The following CYP20A1 variants were observed in gnomAD, a reference collection of about 807,000 sequenced individuals.
CYP20A1 encodes cytochrome P450 family 20 subfamily A member 1.
CYP20A1 carries 61 observed loss-of-function variants against 61.4 expected under a neutral mutation model. The observed-to-expected ratio is 0.99, with a 90% CI of 0.81 to 1.23. The LOEUF (loss-of-function observed/expected upper bound fraction) is 1.23, where lower values mean the gene tolerates loss of function less well. CYP20A1 is among the 50% of genes most tolerant of loss of function. The pLI is 0.00. For synonymous variants in CYP20A1, 193 were observed against 188.2 expected (o/e 1.03, Z -0.21); for missense variants, 530 against 542.4 (o/e 0.98, Z 0.23).
rs2069089670 is a variant in CYP20A1 at position 203,303,151 on chromosome 2, C to T, written c.*6243C>T. On this transcript the variant is annotated 3_prime_UTR_variant, in exon 13 of 13. Transcript: ENST00000356079. ...GAGTAGCTGAGACTACGGGTATGTG[C>T]CACTACACTCAGCTAATTTTTGTAT... is the stretch of plus-strand genomic sequence containing the variant. Among the ~76,000 whole-genome samples the T allele has an allele frequency of 6.6e-6, 1 of 151,884 alleles. No individual in the cohort carries two copies. The highest frequency in any genetic ancestry group is 2.4e-5 in the African/African-American group (1 of 41,362).
Position 203,303,899 on chromosome 2 carries a change from TTGA to T in CYP20A1, c.*6992_*6994del. On this transcript the variant is annotated 3_prime_UTR_variant, in exon 13 of 13. Coordinates refer to ENST00000356079, the MANE Select transcript of CYP20A1 (RefSeq NM_177538.3). ...CAAAAAAAAAAAAAAAAAAAACTTA[TTGA>T]GAGAATAATATACCACTAATATTTA... Among the ~76,000 whole-genome samples, 1 of 149,122 alleles carries T rather than the reference TTGA, an allele frequency of 6.7e-6. No individual in the cohort carries two copies. Among genetic ancestry groups the T allele is most frequent in the Non-Finnish European group, 1.5e-5 (1 of 67,394 alleles).
In CYP20A1 at chr2:203,296,432, C is replaced by T. The variant is rs73990621; in HGVS notation, c.1149-42C>T. ...CTTTTAGTGTCAACATGTAAGATGCCAGTGGAGCTATATTGTGATTAACCT... is the reference window on the plus strand; with the variant it reads ...CTTTTAGTGTCAACATGTAAGATGCTAGTGGAGCTATATTGTGATTAACCT... On this transcript the variant is annotated intron_variant, in intron 11 of 12. Transcript: ENST00000356079. 1,342 of 1,213,958 alleles carry T rather than the reference C, an allele frequency of 1.1e-3. 12 individuals carry two copies. In the African/African-American group the frequency reaches 0.018, roughly 16 times the overall value. 75.2% of individuals were successfully genotyped at this position (1,213,958 alleles called of 1,614,324 possible).
intron 4 of CYP20A1, among the ~76,000 whole-genome samples, chr2:203,264,670 C>A (rs1390139049): frequency 6.6e-6 from 1 of 151,852 alleles, no homozygotes; most frequent in Non-Finnish European, 1.5e-5. Context: ...CTTTGTATAC[C>A]ATTTGCTACT....
Position 203,302,290 on chromosome 2 carries a change from G to A in CYP20A1, c.*5382G>A, listed in dbSNP as rs1220233192. ...TCATGCCTATAACTCAAGCACTTTG[G>A]GAGTTCAAGGCGGCCAGATTGCTTG... On this transcript the variant is annotated 3_prime_UTR_variant, in exon 13 of 13. Coordinates refer to ENST00000356079, the MANE Select transcript of CYP20A1 (RefSeq NM_177538.3). 6.6e-6 allele frequency among the ~76,000 whole-genome samples: 1 copy of A among 152,154 alleles called. No homozygotes were observed. The highest frequency in any genetic ancestry group is 1.5e-5 in the Non-Finnish European group (1 of 68,026).
chr2:203,278,673 C>T lies in CYP20A1; in HGVS notation c.780C>T (p.Asn260=), dbSNP rs1281840579. 4 of 1,547,438 alleles carry T rather than the reference C, an allele frequency of 2.6e-6. No homozygotes were observed. In the Admixed American group the frequency reaches 5.8e-5, roughly 22 times the overall value. Residue 260 remains asparagine, a synonymous_variant, in exon 7 of 13, where the codon AAC becomes AAT. Transcript: ENST00000356079. ...HIFIDSLVQG[N]LNDQQILEDS... ...TCATTGACTCCTTAGTACAAGGGAACCTTAATGACCAACAGGTGATATAAT... is the reference window on the plus strand; with the variant it reads ...TCATTGACTCCTTAGTACAAGGGAATCTTAATGACCAACAGGTGATATAAT...
At chr2:203,254,903 A>T (rs925814982) in intron 4 of CYP20A1, among the ~76,000 whole-genome samples, 2 of 151,896 alleles carry the variant, frequency 1.3e-5, no homozygotes, top group Non-Finnish European at 1.5e-5. Flanking sequence ...AGGCATGAGA[A>T]TCACTTGAAC....
rs186951821 is a variant in CYP20A1 at position 203,278,454 on chromosome 2, T to C, written c.680-119T>C. ...TTTAAACATAAATTAGCTTTCTTTG[T>C]TGTTGGTTACTAACTTTGAAGGTTT... On this transcript the variant is annotated intron_variant, in intron 6 of 12. Transcript: ENST00000356079. The C allele has an allele frequency of 1.9e-5, 9 of 483,426 alleles. No individual in the cohort carries two copies. The East Asian group carries it at 3.0e-4, about 16-fold the overall frequency. The allele number at this position is 483,426 out of a possible 1,614,324, so 29.9% of individuals were successfully genotyped here. A position where few individuals can be genotyped will look rare whatever the true frequency, so the allele number is the denominator to read the frequency against.
rs1039533542 is a variant in CYP20A1, at chr2:203,305,709, A to G, written c.*8801A>G. On this transcript the variant is annotated 3_prime_UTR_variant, in exon 13 of 13. Transcript: ENST00000356079. ...TGAAATGAAATTTTGTTACTTTACC[A>G]TTGTAACTATGTCATAAAGTCATAA... 4.6e-5 allele frequency: 7 copies of G among 152,196 alleles called. No individual in the cohort carries two copies. The East Asian group carries it at 1.3e-3, about 29-fold the overall frequency. The allele number at this position is 152,196 out of a possible 1,614,324, so 9.4% of individuals were successfully genotyped here. A position where few individuals can be genotyped will look rare whatever the true frequency, so the allele number is the denominator to read the frequency against.
intron 1 of CYP20A1, among the ~76,000 whole-genome samples, chr2:203,243,685 CTTTT>C (rs36041824): frequency 1.7e-4 from 13 of 75,572 alleles, no homozygotes; most frequent in Admixed American, 1.7e-4. Flanking sequence ...CGCCTGGCCT[CTTTT>C]TTTTTTTTTT....
At chr2:203,251,585 CAT>C in intron 3 of CYP20A1, among the ~76,000 whole-genome samples, 1 of 150,852 alleles carries the variant, frequency 6.6e-6, no homozygotes, top group Non-Finnish European at 1.5e-5. Context: ...GCCTGGCCAA[CAT>C]GTTGAAACCC....
At chr2:203,254,005 T>C (rs1399998013) in intron 4 of CYP20A1, among the ~76,000 whole-genome samples, 1 of 152,086 alleles carries the variant, frequency 6.6e-6, no homozygotes, top group African/African-American at 2.4e-5. Flanking sequence ...TGGAATGCAG[T>C]GGCGTGATCT....
intron 1 of CYP20A1, among the ~76,000 whole-genome samples, chr2:203,242,337 T>C (rs2066281530): frequency 6.6e-6 from 1 of 151,950 alleles, no homozygotes; most frequent in South Asian, 2.1e-4. Context: ...ACCTAAATGG[T>C]GTGGATTCAG....
intron 4 of CYP20A1, among the ~76,000 whole-genome samples, chr2:203,263,035 C>T (rs1464853673): frequency 6.7e-6 from 1 of 149,112 alleles, no homozygotes; most frequent in Non-Finnish European, 1.5e-5. Flanking sequence ...GCTCTTGTCC[C>T]CCAGGCTGGA....
chr2:203,272,038 A>G (rs1430014934), intron 5 of CYP20A1, among the ~76,000 whole-genome samples: 1 of 152,216 alleles, frequency 6.6e-6, no homozygotes, highest in African/African-American at 2.4e-5. Context: ...GCGTGGGGGA[A>G]GAAAAAATGA....
intron 5 of CYP20A1, among the ~76,000 whole-genome samples, chr2:203,270,815 C>T (rs2067532386): frequency 6.8e-6 from 1 of 146,798 alleles, no homozygotes. Context: ...GCTATCCTTC[C>T]ACCTCACCCT....
In CYP20A1 at chr2:203,239,267, T is replaced by C. The variant is rs919318550; in HGVS notation, c.72+133T>C. ...GGAGGGTTCGGGTTCGCTCCAGAGCTTCAGCGCGGGGACCGCACCCGGAGT... is the reference window on the plus strand; with the variant it reads ...GGAGGGTTCGGGTTCGCTCCAGAGCCTCAGCGCGGGGACCGCACCCGGAGT... On this transcript the variant is annotated intron_variant, in intron 1 of 12. Coordinates refer to ENST00000356079, the MANE Select transcript of CYP20A1 (RefSeq NM_177538.3). 9.4e-6 allele frequency: 7 copies of C among 747,580 alleles called. No homozygotes were observed. In the Admixed American group the frequency reaches 1.2e-4, roughly 13 times the overall value. The allele number at this position is 747,580 out of a possible 1,614,324, so 46.3% of individuals were successfully genotyped here.
chr2:203,275,985 G>A (rs890644000), intron 6 of CYP20A1, among the ~76,000 whole-genome samples: 10 of 152,274 alleles, frequency 6.6e-5, no homozygotes, highest in African/African-American at 9.6e-5. Context: ...AGGGAGTGCC[G>A]GGGGTTGGGA....
chr2:203,241,286 G>C (rs2066246070), intron 1 of CYP20A1, among the ~76,000 whole-genome samples: 1 of 152,214 alleles, frequency 6.6e-6, no homozygotes, highest in Non-Finnish European at 1.5e-5. Flanking sequence ...CTAGGTTTGA[G>C]ATGCCTGTTA....
chr2:203,296,627 C>A, intron 12 of CYP20A1, 64 bp downstream of exon 12: 2 of 1,423,070 alleles, frequency 1.4e-6, no homozygotes, highest in Admixed American at 2.1e-5. Context: ...TGAGAATGGG[C>A]AATCTGTATG....
Sources: gnomAD v4.1 joint callset for allele counts (sites outside exome capture counted in the v4.1 genomes callset) on GRCh38, gnomAD v4.1.1 for gene constraint, MANE v1.5 for transcripts, NCBI Gene and HGNC (gene_info 2026-07-23, HGNC 2026-07-21) for gene names.